Variants in IQCE observed in about 807,000 individuals in gnomAD.
IQCE encodes the protein IQ domain-containing protein E.
Under a neutral mutation model 96.0 loss-of-function variants are expected in IQCE, and 115 were observed. That is an observed-to-expected ratio of 1.20 (90% CI 1.03 to 1.40). The LOEUF (loss-of-function observed/expected upper bound fraction) is 1.40, where lower values mean the gene tolerates loss of function less well. IQCE is among the 40% of genes most tolerant of loss of function. The pLI is 0.00. For synonymous variants in IQCE, 412 were observed against 371.2 expected, an observed-to-expected ratio of 1.11 and a Z score of -1.26; for missense variants, 1,041 against 909.1, an observed-to-expected ratio of 1.15 and a Z score of -1.87.
intron 1 of IQCE, among the ~76,000 whole-genome samples, chr7:2,561,481 C>T (rs1448624473): frequency 3.4e-5 from 5 of 147,896 alleles, no homozygotes; most frequent in East Asian, 2.0e-4. Context: ...AGTGCAGTGG[C>T]GCGATCTCGG....
Position 2,612,590 on chromosome 7 carries a change from AGCTGTGG to A in IQCE, c.*2430_*2436del. On this transcript the variant is annotated 3_prime_UTR_variant, in exon 22 of 22. Coordinates refer to ENST00000402050, the MANE Select transcript of IQCE (RefSeq NM_152558.5). ...GGAGGGGTGAGCTGTGGGCGGGGCG[AGCTGTGG>A]GTGGGGCCTAGCCATGGGAGAGGTG... The A allele has an allele frequency of 2.0e-5, 1 of 50,708 alleles. No individual in the cohort carries two copies. Among genetic ancestry groups the A allele is most frequent in the Non-Finnish European group, 4.4e-5 (1 of 22,858 alleles). The allele number at this position is 50,708 out of a possible 1,614,324, so 3.1% of individuals were successfully genotyped here.
chr7:2,602,333 C>A (rs1443073718), intron 18 of IQCE, among the ~76,000 whole-genome samples: 1 of 152,238 alleles, frequency 6.6e-6, no homozygotes, highest in Non-Finnish European at 1.5e-5. Context: ...AGTGCAGTTC[C>A]AGCCATGACC....
intron 11 of IQCE, 97 bp downstream of exon 11, chr7:2,584,382 C>G: frequency 9.0e-7 from 1 of 1,115,084 alleles, no homozygotes; most frequent in Middle Eastern, 2.0e-4. Context: ...GCGGCATATA[C>G]TGCCCTTAGC....
rs780079457 is a variant in IQCE, at chr7:2,614,094, C to A, written c.*3932C>A. The A allele has an allele frequency of 6.6e-6, 1 of 152,124 alleles. No homozygotes were observed. Among genetic ancestry groups the A allele is most frequent in the Non-Finnish European group, 1.5e-5 (1 of 68,034 alleles). 9.4% of individuals were successfully genotyped at this position (152,124 alleles called of 1,614,324 possible). A position where few individuals can be genotyped will look rare whatever the true frequency, so the allele number is the denominator to read the frequency against. On this transcript the variant is annotated 3_prime_UTR_variant, in exon 22 of 22. Coordinates refer to ENST00000402050, the MANE Select transcript of IQCE (RefSeq NM_152558.5). ...GAGACGTGAGGACCATGCCCTTGAT[C>A]CCTCCGATGGACCAGAAACCCCCTT...
At chr7:2,585,819 G>T (rs1267452144) in intron 11 of IQCE, among the ~76,000 whole-genome samples, 2 of 152,190 alleles carry the variant, frequency 1.3e-5, no homozygotes, top group African/African-American at 4.8e-5. Context: ...GCAATTACGG[G>T]ACCTGCAGAT....
intron 2 of IQCE, 122 bp downstream of exon 2, chr7:2,567,285 T>C: frequency 1.3e-6 from 1 of 767,854 alleles, no homozygotes; most frequent in Non-Finnish European, 2.3e-6. Context: ...GGAATGCATA[T>C]TCCGAATGCT....
In IQCE at chr7:2,559,217, G is replaced by A; in HGVS notation, c.36G>A (p.Thr12=). 1 of 1,215,280 alleles carries A rather than the reference G, an allele frequency of 8.2e-7. No homozygotes were observed. Among genetic ancestry groups the A allele is most frequent in the Non-Finnish European group, 1.0e-6 (1 of 976,446 alleles). The allele number at this position is 1,215,280 out of a possible 1,614,324, so 75.3% of individuals were successfully genotyped here. ...FLGTGEPALD[T]GDDSLSAVTF... ...GCACCGGGGAGCCGGCCTTGGACACGGTAAGAACGGGCGAGGGGGCGACGC... is the reference window on the plus strand; with the variant it reads ...GCACCGGGGAGCCGGCCTTGGACACAGTAAGAACGGGCGAGGGGGCGACGC... The change falls in exon 1 of 22, where the codon ACG becomes ACA. Residue 12 remains threonine (T), a splice_region_variant and synonymous_variant. Transcript: ENST00000402050.
At position 2,600,159 on chromosome 7, in the gene IQCE, C is replaced by T. The variant is rs61574272; in HGVS notation, c.1609-1282C>T. Among the ~76,000 whole-genome samples, 1,235 of 152,176 alleles carry T rather than the reference C, an allele frequency of 8.1e-3. 21 individuals are homozygous for T. Among genetic ancestry groups the T allele is most frequent in the African/African-American group, 0.028 (1,160 of 41,496 alleles). On this transcript the variant is annotated intron_variant, in intron 17 of 21. Coordinates refer to ENST00000402050, the MANE Select transcript of IQCE (RefSeq NM_152558.5). Reference sequence around the variant, plus strand: ...GCAGGCCAATGTGTTACAGAACGTTCCCTTTCCTGGATCTGTTTCCTTGTG... The same window carrying T: ...GCAGGCCAATGTGTTACAGAACGTTTCCTTTCCTGGATCTGTTTCCTTGTG...
intron 13 of IQCE, among the ~76,000 whole-genome samples, chr7:2,589,322 T>G (rs1783388909): frequency 6.6e-6 from 1 of 152,024 alleles, no homozygotes; most frequent in South Asian, 2.1e-4. Context: ...AAGCTGTGAT[T>G]GCACTCCAGC....
At chr7:2,590,698 G>A (rs900896029) in intron 14 of IQCE, among the ~76,000 whole-genome samples, 5 of 152,132 alleles carry the variant, frequency 3.3e-5, no homozygotes, top group Non-Finnish European at 7.4e-5. Context: ...CCAAGAGTTC[G>A]AGGCTGCAGT....
rs1345859238 is a variant in IQCE at position 2,611,506 on chromosome 7, C to T, written c.*1344C>T. 6.6e-6 allele frequency: 1 copy of T among 152,272 alleles called. No individual in the cohort carries two copies. The highest frequency in any genetic ancestry group is 1.5e-5 in the Non-Finnish European group (1 of 68,068). 9.4% of individuals were successfully genotyped at this position (152,272 alleles called of 1,614,324 possible). Reference sequence around the variant, plus strand: ...GGCGCCTTTTCTGCAGCATGGCGGCCTTCTGAGTCACCTAAGCTGAGCCTG... The same window carrying T: ...GGCGCCTTTTCTGCAGCATGGCGGCTTTCTGAGTCACCTAAGCTGAGCCTG... On this transcript the variant is annotated 3_prime_UTR_variant, in exon 22 of 22. Transcript: ENST00000402050.
rs1045995628 is a variant in IQCE at position 2,614,005 on chromosome 7, A to G, written c.*3843A>G. 1.1e-4 allele frequency: 17 copies of G among 151,764 alleles called. No homozygotes were observed. Among genetic ancestry groups the G allele is most frequent in the African/African-American group, 4.1e-4 (17 of 41,344 alleles). 9.4% of individuals were successfully genotyped at this position (151,764 alleles called of 1,614,324 possible). A position where few individuals can be genotyped will look rare whatever the true frequency, so the allele number is the denominator to read the frequency against. ...TATTAAGAAGAGACTAAAATAGCCAAACGACGCTGGTCGCATGCGCTGGCT... is the reference window on the plus strand; with the variant it reads ...TATTAAGAAGAGACTAAAATAGCCAGACGACGCTGGTCGCATGCGCTGGCT... On this transcript the variant is annotated 3_prime_UTR_variant, in exon 22 of 22. Coordinates refer to ENST00000402050, the MANE Select transcript of IQCE (RefSeq NM_152558.5).
At chr7:2,576,091 C>G (rs537577538) in intron 6 of IQCE, among the ~76,000 whole-genome samples, 2 of 152,348 alleles carry the variant, frequency 1.3e-5, no homozygotes, top group Non-Finnish European at 1.5e-5. Context: ...GTGGGTTTGT[C>G]TGCAACGATC....
chr7:2,560,650 A>G (rs1780876218), intron 1 of IQCE, among the ~76,000 whole-genome samples: 1 of 152,006 alleles, frequency 6.6e-6, no homozygotes, highest in African/African-American at 2.4e-5. Context: ...TTTATTTTTT[A>G]TTATTTTTTT....
intron 1 of IQCE, among the ~76,000 whole-genome samples, chr7:2,566,263 C>G (rs538598094): frequency 6.7e-6 from 1 of 150,302 alleles, no homozygotes; most frequent in African/African-American, 2.4e-5. Flanking sequence ...TGAGTTAATA[C>G]AGAAACACTT....
chr7:2,579,502 C>G (rs2128446239), intron 8 of IQCE, among the ~76,000 whole-genome samples: 1 of 152,148 alleles, frequency 6.6e-6, no homozygotes, highest in African/African-American at 2.4e-5. Flanking sequence ...CTATAAATCT[C>G]TAAAGAAAAA....
rs200208942 is a variant in IQCE at position 2,586,368 on chromosome 7, C to G, written c.985C>G (p.Gln329Glu). Residue 329 changes from glutamine (Q) to glutamate (E), a missense_variant, in exon 12 of 22, where the codon CAG (glutamine) becomes GAG (glutamate). Transcript: ENST00000402050. ...LSTSPTISKTQGYVEWSKPRL... is the reference protein window; with the variant it reads ...LSTSPTISKTEGYVEWSKPRL... The stretch of plus-strand genomic sequence containing the variant: ...CACCTCCCCAACCATCTCCAAGACA[C>G]AGGGTACCTTCCTGAAAGCCACTCC... 2.0e-3 allele frequency: 3,279 copies of G among 1,610,850 alleles called. 96 individuals are homozygous for G. In the South Asian group the frequency reaches 0.034, roughly 17 times the overall value.
At chr7:2,584,432 T>C (rs1482913850) in intron 11 of IQCE, 147 bp downstream of exon 11, 1 of 791,614 alleles carries the variant, frequency 1.3e-6, no homozygotes, top group African/African-American at 1.7e-5. Context: ...CTGTTCAGGG[T>C]TAGAGTTGAC....
intron 6 of IQCE, among the ~76,000 whole-genome samples, chr7:2,577,290 T>A: frequency 6.6e-6 from 1 of 151,722 alleles, no homozygotes; most frequent in South Asian, 2.1e-4. Flanking sequence ...CGCAGTGGCG[T>A]GTGCTTGGCT....
Sources: allele counts gnomAD v4.1 joint callset (sites outside exome capture counted in the v4.1 genomes callset), GRCh38; gene constraint gnomAD v4.1.1; transcripts MANE v1.5; gene names NCBI Gene and HGNC (gene_info 2026-07-23, HGNC 2026-07-21).